TMEM132E: variants seen among roughly 807,000 people sequenced by gnomAD.
TMEM132E encodes transmembrane protein 132E.
A neutral mutation model predicts 78.5 loss-of-function variants in TMEM132E; 49 were observed. The ratio of observed to expected loss-of-function variants is 0.62; its 90% CI spans 0.50 to 0.79. TMEM132E has a LOEUF of 0.79. TMEM132E is among the 30% of genes least tolerant of loss of function. The pLI is 0.00. For synonymous variants in TMEM132E, 715 were observed against 670.6 expected, an observed-to-expected ratio of 1.07 and a Z score of -1.02; for missense variants, 1,403 against 1,470.9, an observed-to-expected ratio of 0.95 and a Z score of 0.75.
In TMEM132E at chr17:34,637,479, C is replaced by T. The variant is rs1202512327; in HGVS notation, c.2472C>T (p.Tyr824=). ...GRDEEDPTYD[Y]PGPSQPGPGG... is the part of the protein sequence containing the mutation. ...ACGAGGAGGACCCCACTTATGACTA[C>T]CCGGGCCCCAGCCAACCAGGGCCCG... The change falls in exon 9 of 9, where the codon TAC becomes TAT. Residue 824 remains tyrosine (Y), a synonymous_variant. Coordinates refer to ENST00000631683, the MANE Select transcript of TMEM132E (RefSeq NM_001304438.2). The T allele has an allele frequency of 6.2e-7, 1 of 1,611,278 alleles. No individual in the cohort carries two copies. Among genetic ancestry groups the T allele is most frequent in the South Asian group, 1.1e-5 (1 of 91,056 alleles).
intron 8 of TMEM132E, 21 bp downstream of exon 8, chr17:34,636,219 C>A: frequency 1.4e-6 from 2 of 1,440,738 alleles, no homozygotes; most frequent in East Asian, 2.7e-5. Flanking sequence ...CCTTGGCCCA[C>A]CAGCCAGGGA....
Position 34,637,504 on chromosome 17 carries a change from G to T in TMEM132E, c.2497G>T (p.Gly833Cys). The T allele has an allele frequency of 1.2e-6, 2 of 1,606,648 alleles. No individual in the cohort carries two copies. Among genetic ancestry groups the T allele is most frequent in the Non-Finnish European group, 8.5e-7 (1 of 1,177,126 alleles). ...CCCGGGCCCCAGCCAACCAGGGCCC[G>T]GCGGGGGCGAGGACGAGGCCCGGGG... ...DYPGPSQPGP[G>C]GGEDEARGAG... The change falls in exon 9 of 9, where the codon GGC becomes TGC. Residue 833 changes from glycine to cysteine, a missense_variant. Transcript: ENST00000631683.
At chr17:34,594,845 G>A (rs750683502) in intron 1 of TMEM132E, among the ~76,000 whole-genome samples, 9 of 152,170 alleles carry the variant, frequency 5.9e-5, no homozygotes, top group South Asian at 2.1e-4. Context: ...CAAGTGGTCC[G>A]CTCGCCTTAG....
At chr17:34,600,707 G>A (rs1352075925) in intron 1 of TMEM132E, among the ~76,000 whole-genome samples, 2 of 152,152 alleles carry the variant, frequency 1.3e-5, no homozygotes, top group Non-Finnish European at 2.9e-5. Flanking sequence ...TTGGAGTGCG[G>A]CCCCGGCAGA....
chr17:34,630,041 G>A lies in TMEM132E; in HGVS notation c.1372G>A (p.Gly458Ser). The change falls in exon 5 of 9, where the codon GGC becomes AGC. Residue 458 changes from glycine (G) to serine (S), a missense_variant. By Grantham distance (56) the Gly-to-Ser change is moderately conservative. Around this residue, in one of 3 missense-constraint regions of TMEM132E, gnomAD observed 888 missense variants for 952.8 expected, o/e 0.93. Coordinates refer to ENST00000631683, the MANE Select transcript of TMEM132E (RefSeq NM_001304438.2). ...TEIINTAILTGRTVAIPVKVI... is the reference protein window; with the variant it reads ...TEIINTAILTSRTVAIPVKVI... Reference sequence around the variant, plus strand: ...GATCATCAACACGGCCATTCTGACTGGCCGGACAGTGGCCATCCCTGTCAA... The same window carrying A: ...GATCATCAACACGGCCATTCTGACTAGCCGGACAGTGGCCATCCCTGTCAA... 1 of 1,612,680 alleles carries A rather than the reference G, an allele frequency of 6.2e-7. No individual in the cohort carries two copies. Among genetic ancestry groups the A allele is most frequent in the Non-Finnish European group, 8.5e-7 (1 of 1,178,868 alleles).
At chr17:34,627,624 G>A (rs2142080936) in intron 2 of TMEM132E, among the ~76,000 whole-genome samples, 1 of 152,142 alleles carries the variant, frequency 6.6e-6, no homozygotes. Flanking sequence ...GCCTTAAATT[G>A]TATCACATCC....
chr17:34,636,408 C>T (rs546366030), intron 8 of TMEM132E, among the ~76,000 whole-genome samples: 9 of 152,328 alleles, frequency 5.9e-5, no homozygotes, highest in African/African-American at 2.2e-4. Flanking sequence ...GCTCTTGCCA[C>T]CTGAGATGTT....
At chr17:34,595,033 G>A (rs1906008193) in intron 1 of TMEM132E, among the ~76,000 whole-genome samples, 1 of 152,226 alleles carries the variant, frequency 6.6e-6, no homozygotes, top group Admixed American at 6.5e-5. Context: ...GAGGAGCAGG[G>A]ACTGGCCTAC....
At chr17:34,628,475 C>A (rs1341285503) in intron 2 of TMEM132E, 88 bp from the exon 3 acceptor site, 11 of 1,513,832 alleles carry the variant, frequency 7.3e-6, no homozygotes, top group Middle Eastern at 1.7e-4. Context: ...TCCCCCTCCC[C>A]CCAGTACAGT....
At chr17:34,597,215 G>A (rs1263560428) in intron 1 of TMEM132E, among the ~76,000 whole-genome samples, 1 of 152,098 alleles carries the variant, frequency 6.6e-6, no homozygotes, top group Non-Finnish European at 1.5e-5. Flanking sequence ...TCCTCCAGAG[G>A]AGTCCAAGAC....
chr17:34,634,519 G>A (rs1384265132), intron 6 of TMEM132E, among the ~76,000 whole-genome samples: 5 of 152,238 alleles, frequency 3.3e-5, no homozygotes, highest in Non-Finnish European at 7.3e-5. Context: ...GGCAGCAGTT[G>A]CTGTTAGGAT....
intron 1 of TMEM132E, among the ~76,000 whole-genome samples, chr17:34,610,077 AT>A (rs1906537067): frequency 6.6e-6 from 1 of 152,084 alleles, no homozygotes; most frequent in African/African-American, 2.4e-5. Context: ...TACTACTCAA[AT>A]GACTCCTGCC....
intron 1 of TMEM132E, among the ~76,000 whole-genome samples, chr17:34,596,496 A>G (rs1906064334): frequency 6.6e-6 from 1 of 152,166 alleles, no homozygotes; most frequent in Non-Finnish European, 1.5e-5. Context: ...ACACCCATTC[A>G]GCTTGGTCCC....
At chr17:34,597,325 C>T (rs1906094961) in intron 1 of TMEM132E, among the ~76,000 whole-genome samples, 1 of 152,142 alleles carries the variant, frequency 6.6e-6, no homozygotes, top group Admixed American at 6.5e-5. Context: ...TCAGAAGCCC[C>T]TCTGAGTCTA....
intron 1 of TMEM132E, among the ~76,000 whole-genome samples, chr17:34,596,217 T>C (rs1007883811): frequency 5.3e-5 from 8 of 152,356 alleles, no homozygotes; most frequent in Admixed American, 3.3e-4. Flanking sequence ...AGTTCACCAC[T>C]GTTCCCCACC....
chr17:34,628,744 G>T (rs776734726), intron 3 of TMEM132E, 35 bp downstream of exon 3: 2 of 1,543,778 alleles, frequency 1.3e-6, no homozygotes, highest in Non-Finnish European at 1.7e-6. Flanking sequence ...CCACCTCTTC[G>T]CAAAGCAGCC....
intron 1 of TMEM132E, among the ~76,000 whole-genome samples, chr17:34,591,497 G>C (rs911880015): frequency 6.6e-6 from 1 of 152,148 alleles, no homozygotes; most frequent in Non-Finnish European, 1.5e-5. Context: ...TCTCCCTGGG[G>C]TCTTGCAAAT....
At chr17:34,593,567 C>T (rs1369305961) in intron 1 of TMEM132E, among the ~76,000 whole-genome samples, 1 of 152,230 alleles carries the variant, frequency 6.6e-6, no homozygotes, top group African/African-American at 2.4e-5. Flanking sequence ...CACTCACCTC[C>T]TGCTGTCCTT....
intron 1 of TMEM132E, among the ~76,000 whole-genome samples, chr17:34,623,843 C>G (rs1907040359): frequency 6.6e-6 from 1 of 152,188 alleles, no homozygotes; most frequent in African/African-American, 2.4e-5. Flanking sequence ...CAGCATTCCC[C>G]AGGCTGCAGG....
Sources: allele counts gnomAD v4.1 joint callset (sites outside exome capture counted in the v4.1 genomes callset), GRCh38; gene constraint gnomAD v4.1.1; regional missense constraint gnomAD v4.1.1; transcripts MANE v1.5; gene names NCBI Gene and HGNC (gene_info 2026-07-23, HGNC 2026-07-21).